Variants in RASEF observed in about 807,000 individuals in gnomAD.
RASEF encodes ras and EF-hand domain-containing protein.
A neutral mutation model predicts 90.1 loss-of-function variants in RASEF; 68 were observed. That is an observed-to-expected ratio of 0.75 (90% CI 0.62 to 0.92). The LOEUF is 0.92. RASEF is among the 40% of genes least tolerant of loss of function. RASEF has a pLI of 0.00. For synonymous variants in RASEF, 331 were observed against 345.2 expected (o/e 0.96, Z 0.46); for missense variants, 949 against 937.2 (o/e 1.01, Z -0.16).
At chr9:83,206,270 T>G in the RASEF span, among the ~76,000 whole-genome samples, 2 of 152,370 alleles carry the variant, frequency 1.3e-5, no homozygotes, top group African/African-American at 4.8e-5. Flanking sequence ...ATTCCTAATC[T>G]GGGTTTATTC....
At position 83,001,092 on chromosome 9, in the gene RASEF, G is replaced by C; in HGVS notation, c.1241C>G (p.Ser414Cys). 6.2e-7 allele frequency: 1 copy of C among 1,614,128 alleles called. No individual in the cohort carries two copies. The highest frequency in any genetic ancestry group is 1.1e-5 in the South Asian group (1 of 91,080). ...RSSYVDEDCD[S>C]LALCDPLQRT... is the part of the protein sequence containing the mutation. ...CTGCAGAGGATCACAGAGGGCCAGG[G>C]AGTCACAGTCCTCATCCACATAGGA... Residue 414 changes from serine to cysteine, a missense_variant, in exon 10 of 17, where the codon TCC (serine) becomes TGC (cysteine). Transcript: ENST00000376447.
At chr9:83,151,619 T>A in the RASEF span, among the ~76,000 whole-genome samples, 1 of 152,216 alleles carries the variant, frequency 6.6e-6, no homozygotes, top group African/African-American at 2.4e-5. Flanking sequence ...GACTGAGTAG[T>A]TAAGTCACTT....
the RASEF span, among the ~76,000 whole-genome samples, chr9:83,076,529 T>G: frequency 6.6e-6 from 1 of 152,002 alleles, no homozygotes; most frequent in Non-Finnish European, 1.5e-5. Flanking sequence ...TACAGAAGAT[T>G]TTTAAAGATA....
chr9:83,043,794 A>AT (rs1233350425), intron 1 of RASEF, among the ~76,000 whole-genome samples: 1 of 151,740 alleles, frequency 6.6e-6, no homozygotes, highest in African/African-American at 2.4e-5. Flanking sequence ...CTCGCTTCTC[A>AT]TTTTCTCAGC....
rs1275674315 is a variant in RASEF, at chr9:82,980,316, T to A, written c.*2361A>T. 6 of 152,210 alleles carry A rather than the reference T, an allele frequency of 3.9e-5. No homozygotes were observed. The highest frequency in any genetic ancestry group is 3.9e-4 in the Admixed American group (6 of 15,276). The allele number at this position is 152,210 out of a possible 1,614,324, so 9.4% of individuals were successfully genotyped here. ...CATGAAATCAAAACGTTGGTAATAA[T>A]CATGAATCTCCCAGCATACAGAGCT... On this transcript the variant is annotated 3_prime_UTR_variant, in exon 17 of 17. Transcript: ENST00000376447.
At chr9:83,158,447 T>A in the RASEF span, among the ~76,000 whole-genome samples, 54,421 of 150,856 alleles carry the variant, frequency 0.36, 10,012 homozygotes, top group Middle Eastern at 0.43. Flanking sequence ...TAGAAATTGG[T>A]TGTAGTACAA....
the RASEF span, among the ~76,000 whole-genome samples, chr9:83,117,144 T>C: frequency 6.6e-6 from 1 of 152,210 alleles, no homozygotes; most frequent in South Asian, 2.1e-4. Context: ...ATTTGCTTTG[T>C]TTTTAAAGTA....
In RASEF at chr9:83,001,092, G is replaced by A. The variant is rs756110127; in HGVS notation, c.1241C>T (p.Ser414Phe). The A allele has an allele frequency of 1.9e-6, 3 of 1,614,128 alleles. No individual in the cohort carries two copies. Among genetic ancestry groups the A allele is most frequent in the Non-Finnish European group, 2.5e-6 (3 of 1,180,000 alleles). Reference sequence around the variant, plus strand: ...CTGCAGAGGATCACAGAGGGCCAGGGAGTCACAGTCCTCATCCACATAGGA... The same window carrying A: ...CTGCAGAGGATCACAGAGGGCCAGGAAGTCACAGTCCTCATCCACATAGGA... ...RSSYVDEDCD[S>F]LALCDPLQRT... Residue 414 changes from serine to phenylalanine, a missense_variant, in exon 10 of 17, where the codon TCC becomes TTC. By Grantham distance (155) the Ser-to-Phe change is radical (BLOSUM62 -2). Transcript: ENST00000376447.
At chr9:83,158,271 A>G in the RASEF span, among the ~76,000 whole-genome samples, 4 of 152,136 alleles carry the variant, frequency 2.6e-5, no homozygotes, top group East Asian at 7.7e-4. Flanking sequence ...AAATTGAAAC[A>G]TCTGGCATTA....
chr9:83,146,118 C>T, the RASEF span, among the ~76,000 whole-genome samples: 1 of 150,348 alleles, frequency 6.7e-6, no homozygotes, highest in South Asian at 2.1e-4. Context: ...ATCTAGTTGC[C>T]CACGAGGTAA....
rs58745984 is a variant in RASEF, at chr9:83,029,162, G to A, written c.432-3241C>T. 6.7e-3 allele frequency among the ~76,000 whole-genome samples: 1,013 copies of A among 152,274 alleles called. 8 individuals carry two copies. Among genetic ancestry groups the A allele is most frequent in the African/African-American group, 0.023 (961 of 41,564 alleles). On this transcript the variant is annotated intron_variant, in intron 1 of 16. Coordinates refer to ENST00000376447, the MANE Select transcript of RASEF (RefSeq NM_152573.4). ...ATGGTAACATGGTGGTTAAGTGGCA[G>A]AATAAGGATTCAAACTCAGTCTCAA...
the RASEF span, among the ~76,000 whole-genome samples, chr9:83,200,583 A>G: frequency 6.6e-6 from 1 of 152,074 alleles, no homozygotes; most frequent in Non-Finnish European, 1.5e-5. Flanking sequence ...CAGTCCTTCC[A>G]ATGCTATTGT....
the RASEF span, among the ~76,000 whole-genome samples, chr9:83,133,790 A>G: frequency 6.6e-6 from 1 of 152,204 alleles, no homozygotes. Context: ...TATCAATAAT[A>G]CTGATTTTCC....
chr9:83,020,968 T>A (rs1227752670), intron 3 of RASEF, among the ~76,000 whole-genome samples: 2 of 152,208 alleles, frequency 1.3e-5, no homozygotes, highest in Non-Finnish European at 2.9e-5. Context: ...CCATGAACCT[T>A]AAACCATTTA....
the RASEF span, among the ~76,000 whole-genome samples, chr9:83,183,949 C>A: frequency 6.6e-6 from 1 of 152,160 alleles, no homozygotes; most frequent in African/African-American, 2.4e-5. Flanking sequence ...GATGGCCAGG[C>A]CCCATGCCCA....
At chr9:83,168,729 C>G in the RASEF span, among the ~76,000 whole-genome samples, 2 of 152,100 alleles carry the variant, frequency 1.3e-5, no homozygotes, top group East Asian at 3.8e-4. Context: ...CATCATTAAT[C>G]ATCAGGGAAA....
At chr9:83,166,707 A>G in the RASEF span, among the ~76,000 whole-genome samples, 1 of 152,172 alleles carries the variant, frequency 6.6e-6, no homozygotes, top group Non-Finnish European at 1.5e-5. Context: ...TGACAGAGGA[A>G]TGATTTATTT....
At chr9:83,070,542 A>G in the RASEF span, among the ~76,000 whole-genome samples, 1 of 152,152 alleles carries the variant, frequency 6.6e-6, no homozygotes, top group Non-Finnish European at 1.5e-5. Flanking sequence ...TAAATTGAAT[A>G]TAAGTCTCAA....
intron 4 of RASEF, among the ~76,000 whole-genome samples, chr9:83,013,010 C>A (rs1199269827): frequency 2.6e-5 from 4 of 152,146 alleles, no homozygotes; most frequent in African/African-American, 9.7e-5. Context: ...TAACTAAAAT[C>A]AATAAAATCT....
Sources: gnomAD v4.1 joint callset for allele counts (sites outside exome capture counted in the v4.1 genomes callset) on GRCh38, gnomAD v4.1.1 for gene constraint, MANE v1.5 for transcripts, NCBI Gene and HGNC (gene_info 2026-07-23, HGNC 2026-07-21) for gene names.